RMDN3: variants seen among roughly 807,000 people sequenced by gnomAD.
RMDN3 encodes regulator of microtubule dynamics 3, also known as regulator of microtubule dynamics protein 3.
RMDN3 carries 41 observed loss-of-function variants against 61.8 expected under a neutral mutation model. The observed-to-expected ratio is 0.66, with a 90% confidence interval of 0.52 to 0.86. The LOEUF (loss-of-function observed/expected upper bound fraction) is 0.86, where lower values mean the gene tolerates loss of function less well. RMDN3 is among the 40% of genes least tolerant of loss of function. The pLI is 0.00. For missense variants in RMDN3, 557 were observed against 585.3 expected (o/e 0.95, Z 0.50); for synonymous variants, 247 against 232.0 (o/e 1.06, Z -0.59).
rs1341463916 is a variant in RMDN3 at position 40,736,255 on chromosome 15, C to G, written c.*286G>C. The G allele has an allele frequency of 2.4e-6, 1 of 421,978 alleles. No homozygotes were observed. Among genetic ancestry groups the G allele is most frequent in the South Asian group, 4.9e-5 (1 of 20,302 alleles). 26.1% of individuals were successfully genotyped at this position (421,978 alleles called of 1,614,324 possible). A position where few individuals can be genotyped will look rare whatever the true frequency, so the allele number is the denominator to read the frequency against. On this transcript the variant is annotated 3_prime_UTR_variant, in exon 13 of 13. Transcript: ENST00000338376. The stretch of plus-strand genomic sequence containing the variant: ...AGCAATTGGAAGGTCTCAGGTCTTG[C>G]AGGCTCTACCCATGTGTAATCCTGG...
rs1376218763 is a variant in RMDN3, at chr15:40,738,591, G to A, written c.972-15C>T. The stretch of plus-strand genomic sequence containing the variant: ...GCACCGCATACCTAGGGGGGAAGCA[G>A]CAAGCTCAGGGACAAGGGCTGAGTA... On this transcript the variant is annotated splice_polypyrimidine_tract_variant and intron_variant, in intron 7 of 12. Coordinates refer to ENST00000338376, the MANE Select transcript of RMDN3 (RefSeq NM_018145.3). The A allele has an allele frequency of 6.2e-7, 1 of 1,613,800 alleles. No homozygotes were observed. Among genetic ancestry groups the A allele is most frequent in the African/African-American group, 1.3e-5 (1 of 74,908 alleles).
chr15:40,741,065 C>T (rs1343504553), intron 6 of RMDN3, among the ~76,000 whole-genome samples: 6 of 144,396 alleles, frequency 4.2e-5, no homozygotes, highest in Admixed American at 3.6e-4. Context: ...GCCTGGGCGA[C>T]GAACTCCACC....
chr15:40,744,606 C>T (rs965337490), intron 5 of RMDN3, among the ~76,000 whole-genome samples: 5 of 151,768 alleles, frequency 3.3e-5, no homozygotes, highest in Non-Finnish European at 7.4e-5. Flanking sequence ...ATGGGGCTGG[C>T]AGCTTGGACT....
At chr15:40,743,444 C>G (rs1215092500) in intron 6 of RMDN3, among the ~76,000 whole-genome samples, 1 of 151,652 alleles carries the variant, frequency 6.6e-6, no homozygotes, top group Admixed American at 6.6e-5. Flanking sequence ...TAGATATTAA[C>G]TGAACCACAG....
At chr15:40,740,092 C>G (rs1178563765) in intron 7 of RMDN3, 41 bp downstream of exon 7, 1 of 1,370,526 alleles carries the variant, frequency 7.3e-7, no homozygotes, top group Admixed American at 1.7e-5. Context: ...TCTGCTTTGG[C>G]CCTTGCTGGC....
chr15:40,740,243 T>C, intron 6 of RMDN3, 50 bp from the exon 7 acceptor site: 1 of 1,230,944 alleles, frequency 8.1e-7, no homozygotes, highest in Non-Finnish European at 1.2e-6. Context: ...ATGCACACTT[T>C]CATAGGAAGG....
At chr15:40,742,344 ACT>A (rs2141908075) in intron 6 of RMDN3, among the ~76,000 whole-genome samples, 1 of 151,776 alleles carries the variant, frequency 6.6e-6, no homozygotes, top group African/African-American at 2.4e-5. Context: ...GCTGTGAAAG[ACT>A]CTACCTCTCT....
chr15:40,750,961 G>A (rs1025200910), intron 4 of RMDN3, among the ~76,000 whole-genome samples: 1 of 152,158 alleles, frequency 6.6e-6, no homozygotes, highest in Non-Finnish European at 1.5e-5. Flanking sequence ...AAGGCCTATC[G>A]TCAGCCCTCC....
chr15:40,743,834 T>C (rs1327026995), intron 6 of RMDN3, among the ~76,000 whole-genome samples: 1 of 152,222 alleles, frequency 6.6e-6, no homozygotes, highest in Non-Finnish European at 1.5e-5. Context: ...GCACGTGTGT[T>C]ACTAATCAGC....
intron 5 of RMDN3, 146 bp from the exon 6 acceptor site, chr15:40,744,295 T>TC (rs1897410244): frequency 6.1e-6 from 4 of 657,870 alleles, no homozygotes; most frequent in Admixed American, 2.4e-5. Flanking sequence ...CACGCAGCCT[T>TC]CCCCCCAGTC....
chr15:40,744,130 A>C lies in RMDN3; in HGVS notation c.827T>G (p.Phe276Cys). 6.2e-7 allele frequency: 1 copy of C among 1,613,492 alleles called. No homozygotes were observed. Among genetic ancestry groups the C allele is most frequent in the Non-Finnish European group, 8.5e-7 (1 of 1,180,006 alleles). Residue 276 changes from phenylalanine to cysteine, a missense_variant, in exon 6 of 13, where the codon TTT (phenylalanine) becomes TGT (cysteine). Physicochemically the swap from Phe to Cys is radical, Grantham distance 205. Transcript: ENST00000338376. ...GTAGGCTCGGGCCAGGCGCCAGAGA[A>C]AGTCCTGCCGGCTTCCATACTGCAG... The part of the protein sequence containing the change: ...NKLVYGSRQD[F>C]LWRLARAYSD...
chr15:40,752,458 C>A lies in RMDN3; in HGVS notation c.188-280G>T, dbSNP rs533128820. On this transcript the variant is annotated intron_variant, in intron 2 of 12. Transcript: ENST00000338376. ...GTAACATGCTTGCCCAAGTGTGGAACCTGAAGGAGGACAGCTGTCCTGCTA... is the reference window on the plus strand; with the variant it reads ...GTAACATGCTTGCCCAAGTGTGGAAACTGAAGGAGGACAGCTGTCCTGCTA... Among the ~76,000 whole-genome samples the A allele has an allele frequency of 3.3e-5, 5 of 151,086 alleles. No homozygotes were observed. The South Asian group carries it at 1.1e-3, about 32-fold the overall frequency.
intron 4 of RMDN3, among the ~76,000 whole-genome samples, chr15:40,750,222 T>TG (rs1566810261): frequency 6.8e-6 from 1 of 146,776 alleles, no homozygotes; most frequent in East Asian, 2.0e-4. Flanking sequence ...TTTTTTTTTT[T>TG]TTTTTTTTTT....
chr15:40,746,499 A>G lies in RMDN3; in HGVS notation c.525-1240T>C, dbSNP rs544282888. Among the ~76,000 whole-genome samples the G allele has an allele frequency of 1.1e-3, 163 of 149,602 alleles. 1 individual carries two copies. Among genetic ancestry groups the G allele is most frequent in the Middle Eastern group, 3.5e-3 (1 of 288 alleles). ...ACCACTGCACTCCACCCTGGGCGAC[A>G]GAGCAAGACTCCGTCTCAAAAAAAA... On this transcript the variant is annotated intron_variant, in intron 4 of 12. Coordinates refer to ENST00000338376, the MANE Select transcript of RMDN3 (RefSeq NM_018145.3).
Position 40,752,116 on chromosome 15 carries a change from G to A in RMDN3, c.250C>T (p.Arg84Trp), listed in dbSNP as rs201793784. 9.7e-5 allele frequency: 157 copies of A among 1,614,166 alleles called. 1 individual carries two copies. In the East Asian group the frequency reaches 1.0e-3, roughly 10 times the overall value. Residue 84 changes from arginine to tryptophan, a missense_variant, in exon 3 of 13, where the codon CGG becomes TGG. Coordinates refer to ENST00000338376, the MANE Select transcript of RMDN3 (RefSeq NM_018145.3). ...TCCAGCACCTTCTCCTGTCCTTCCC[G>A]TGGAAGGCTGGGCAGCACTGAGGCA... ...GDASVLPSLP[R>W]EGQEKVLDRL...
intron 1 of RMDN3, 32 bp from the exon 2 acceptor site, chr15:40,754,822 A>T: frequency 1.8e-6 from 1 of 569,546 alleles, no homozygotes; most frequent in Non-Finnish European, 2.7e-6. Flanking sequence ...GGGAGCAGGC[A>T]GGCGGGCGGG....
At chr15:40,750,284 A>G (rs1475870611) in intron 4 of RMDN3, among the ~76,000 whole-genome samples, 1 of 146,976 alleles carries the variant, frequency 6.8e-6, no homozygotes, top group Admixed American at 7.0e-5. Flanking sequence ...CAGTGGCGCA[A>G]TCTCGGCTCA....
Position 40,752,016 on chromosome 15 carries a change from C to T in RMDN3, c.350G>A (p.Gly117Glu), listed in dbSNP as rs1020909859. The T allele has an allele frequency of 9.9e-6, 16 of 1,614,172 alleles. No homozygotes were observed. Among genetic ancestry groups the T allele is most frequent in the Non-Finnish European group, 1.2e-5 (14 of 1,180,014 alleles). ...EVEELRSSLR[G>E]LAGEIVGEVR... ...CTCCCCAACAATCTCCCCCGCAAGC[C>T]CTCGCAGGCTGCTTCTCAGCTCCTC... The change falls in exon 3 of 13, where the codon GGG becomes GAG. Residue 117 changes from glycine (G) to glutamate (E), a missense_variant. By Grantham distance (98) the Gly-to-Glu change is moderately conservative (BLOSUM62 -2). Coordinates refer to ENST00000338376, the MANE Select transcript of RMDN3 (RefSeq NM_018145.3).
At chr15:40,742,247 A>G (rs1245580655) in intron 6 of RMDN3, among the ~76,000 whole-genome samples, 2 of 150,788 alleles carry the variant, frequency 1.3e-5, no homozygotes, top group Admixed American at 1.3e-4. Context: ...GGCTCAAGCA[A>G]TCCTCCTGCC....
Sources: allele counts gnomAD v4.1 joint callset (sites outside exome capture counted in the v4.1 genomes callset), GRCh38; gene constraint gnomAD v4.1.1; transcripts MANE v1.5; gene names NCBI Gene and HGNC (gene_info 2026-07-23, HGNC 2026-07-21).